Variants in PKNOX2 observed in about 807,000 individuals in gnomAD.
PKNOX2 encodes the protein PBX/knotted 1 homeobox 2, also known as homeobox protein PKNOX2.
A neutral mutation model predicts 53.1 loss-of-function variants in PKNOX2; 14 were observed. The ratio of observed to expected loss-of-function variants is 0.26; its 90% CI spans 0.17 to 0.41. The LOEUF is 0.41. PKNOX2 is among the 10% of genes least tolerant of loss of function. The pLI is 1.00. For synonymous variants in PKNOX2, 257 were observed against 242.8 expected (o/e 1.06, Z -0.54); for missense variants, 496 against 602.8 (o/e 0.82, Z 1.85).
chr11:125,187,785 T>G (rs1379529368), intron 1 of PKNOX2, among the ~76,000 whole-genome samples: 1 of 152,204 alleles, frequency 6.6e-6, no homozygotes, highest in African/African-American at 2.4e-5. Flanking sequence ...CCACTGAGTG[T>G]GATGTTAGCT....
At chr11:125,174,815 A>C (rs1955583683) in intron 1 of PKNOX2, among the ~76,000 whole-genome samples, 1 of 152,090 alleles carries the variant, frequency 6.6e-6, no homozygotes, top group Non-Finnish European at 1.5e-5. Context: ...CTGTGGCCCA[A>C]ATAGCGGTGG....
At chr11:125,424,636 T>C (rs1956321806) in intron 10 of PKNOX2, among the ~76,000 whole-genome samples, 2 of 152,156 alleles carry the variant, frequency 1.3e-5, no homozygotes, top group Admixed American at 1.3e-4. Context: ...TGAATCAGCC[T>C]CCATGCCCCG....
chr11:125,283,240 A>G (rs1423225617), intron 2 of PKNOX2, among the ~76,000 whole-genome samples: 1 of 152,204 alleles, frequency 6.6e-6, no homozygotes, highest in African/African-American at 2.4e-5. Context: ...ATCAGATAGC[A>G]CAGACAAGAT....
chr11:125,397,542 A>G (rs1247224736), intron 6 of PKNOX2, among the ~76,000 whole-genome samples: 1 of 152,216 alleles, frequency 6.6e-6, no homozygotes, highest in Non-Finnish European at 1.5e-5. Flanking sequence ...TCACACAGAT[A>G]GTAAATGACA....
intron 3 of PKNOX2, among the ~76,000 whole-genome samples, chr11:125,332,197 G>C (rs1950181234): frequency 6.6e-6 from 1 of 152,154 alleles, no homozygotes; most frequent in African/African-American, 2.4e-5. Flanking sequence ...GATACAGATG[G>C]GTGGGGCCTT....
chr11:125,386,187 G>A (rs1328771069), intron 6 of PKNOX2, among the ~76,000 whole-genome samples: 3 of 152,244 alleles, frequency 2.0e-5, no homozygotes, highest in Admixed American at 1.3e-4. Flanking sequence ...ACATCGATGT[G>A]CTGAGGAGAC....
At position 125,165,158 on chromosome 11, in the gene PKNOX2, GC is replaced by G; in HGVS notation, c.-201+384del. 6.7e-6 allele frequency among the ~76,000 whole-genome samples: 1 copy of G among 148,576 alleles called. No individual in the cohort carries two copies. On this transcript the variant is annotated intron_variant, in intron 1 of 12. Coordinates refer to ENST00000298282, the MANE Select transcript of PKNOX2 (RefSeq NM_001382323.2). This position sits in a 1 kb window ranked among gnomAD's most constrained non-coding sequence, Gnocchi z 4.5. ...GCCAGCGCTCAGCCCCGCCGCCGCC[GC>G]CGCCGCCGCCTCGCCGCGCTTGGGC...
At chr11:125,427,368 A>G (rs1485853418) in intron 10 of PKNOX2, among the ~76,000 whole-genome samples, 1 of 152,182 alleles carries the variant, frequency 6.6e-6, no homozygotes, top group Non-Finnish European at 1.5e-5. Flanking sequence ...AGAGGTTTGA[A>G]TTAAAGCAAC....
intron 1 of PKNOX2, among the ~76,000 whole-genome samples, chr11:125,219,744 GCCAAAAAA>G (rs1940930093): frequency 1.3e-5 from 2 of 152,168 alleles, no homozygotes; most frequent in Non-Finnish European, 2.9e-5. Flanking sequence ...TGGGCAAAAA[GCCAAAAAA>G]TTTGATATCG....
intron 2 of PKNOX2, among the ~76,000 whole-genome samples, chr11:125,315,317 A>G (rs568996439): frequency 6.6e-6 from 1 of 151,554 alleles, no homozygotes; most frequent in Non-Finnish European, 1.5e-5. Flanking sequence ...AAAAAAAAAA[A>G]AAAAAAAAAA....
At chr11:125,371,833 G>A (rs1433254401) in intron 5 of PKNOX2, among the ~76,000 whole-genome samples, 1 of 152,160 alleles carries the variant, frequency 6.6e-6, no homozygotes, top group Non-Finnish European at 1.5e-5. Flanking sequence ...GTGGTGCTTT[G>A]CCTTTCCATT....
chr11:125,355,520 G>T (rs1363721934), intron 4 of PKNOX2, among the ~76,000 whole-genome samples: 1 of 152,162 alleles, frequency 6.6e-6, no homozygotes, highest in Admixed American at 6.6e-5. Flanking sequence ...ATTCTACAAT[G>T]ATTGCCTAAT....
At chr11:125,262,959 G>A (rs567306850) in intron 2 of PKNOX2, among the ~76,000 whole-genome samples, 1 of 152,274 alleles carries the variant, frequency 6.6e-6, no homozygotes, top group East Asian at 1.9e-4. Flanking sequence ...CCCCGAGGTT[G>A]TGCCGGGAGT....
At chr11:125,358,086 T>C (rs182719251) in intron 4 of PKNOX2, among the ~76,000 whole-genome samples, 162 of 152,266 alleles carry the variant, frequency 1.1e-3, no homozygotes, top group East Asian at 7.2e-3. Context: ...GAACAAAAAG[T>C]ACAGTGGTGT....
chr11:125,321,712 G>A (rs139123522), intron 2 of PKNOX2, among the ~76,000 whole-genome samples: 31 of 152,322 alleles, frequency 2.0e-4, no homozygotes, highest in African/African-American at 7.5e-4. Context: ...ACAAAAACAG[G>A]CAGCCTCAGG....
chr11:125,199,183 T>C (rs1938142245), intron 1 of PKNOX2, among the ~76,000 whole-genome samples: 1 of 152,126 alleles, frequency 6.6e-6, no homozygotes, highest in Non-Finnish European at 1.5e-5. Context: ...ATCTCACCTG[T>C]TGCCCCAGCC....
chr11:125,232,509 A>G (rs1042635301), intron 1 of PKNOX2, among the ~76,000 whole-genome samples: 3 of 152,246 alleles, frequency 2.0e-5, no homozygotes, highest in African/African-American at 7.2e-5. Context: ...CCCATGGTCA[A>G]GCCAGAATCG....
intron 7 of PKNOX2, among the ~76,000 whole-genome samples, chr11:125,402,557 G>C (rs1279684927): frequency 6.6e-6 from 1 of 152,166 alleles, no homozygotes; most frequent in African/African-American, 2.4e-5. Flanking sequence ...TTCTGTGCTA[G>C]GTCCTGTGAG....
At chr11:125,194,355 C>T (rs1015224255) in intron 1 of PKNOX2, among the ~76,000 whole-genome samples, 10 of 152,202 alleles carry the variant, frequency 6.6e-5, no homozygotes, top group African/African-American at 2.2e-4. Context: ...TGCTTCTCAT[C>T]AGAAGATAAC....
Sources: gnomAD v4.1 joint callset for allele counts (sites outside exome capture counted in the v4.1 genomes callset) on GRCh38, gnomAD v4.1.1 for gene constraint, Gnocchi (gnomAD v3.1) non-coding constraint, MANE v1.5 for transcripts, NCBI Gene and HGNC (gene_info 2026-07-23, HGNC 2026-07-21) for gene names.